CCDC40: variants seen among roughly 807,000 people sequenced by gnomAD.
CCDC40 encodes coiled-coil domain 40 molecular ruler complex subunit, also known as coiled-coil domain-containing protein 40.
CCDC40 carries 104 observed loss-of-function variants against 124.5 expected under a neutral mutation model. The observed-to-expected ratio is 0.84, with a 90% CI of 0.71 to 0.98. CCDC40 has a LOEUF of 0.98. Among genes scored for constraint, CCDC40 ranks in the 50% least tolerant of loss-of-function variants. The pLI is 0.00. For missense variants in CCDC40, 1,463 were observed against 1,503.9 expected, an observed-to-expected ratio of 0.97 and a Z score of 0.45; for synonymous variants, 580 against 602.9, an observed-to-expected ratio of 0.96 and a Z score of 0.56.
At chr17:80,047,197 A>C in intron 3 of CCDC40, 82 bp from the exon 4 acceptor site, 1 of 1,476,158 alleles carries the variant, frequency 6.8e-7, no homozygotes. Flanking sequence ...GACAACTTTC[A>C]CAAATGTAAT....
At chr17:80,038,381 A>G (rs1278136529) in intron 2 of CCDC40, among the ~76,000 whole-genome samples, 195 bp downstream of exon 2, 1 of 151,892 alleles carries the variant, frequency 6.6e-6, no homozygotes, top group Non-Finnish European at 1.5e-5. Flanking sequence ...AAATATAAAA[A>G]TTAGCCGGGC....
chr17:80,071,707 T>C (rs1305649986), intron 10 of CCDC40, among the ~76,000 whole-genome samples: 1 of 152,084 alleles, frequency 6.6e-6, no homozygotes, highest in Non-Finnish European at 1.5e-5. Flanking sequence ...CAAACAGGCT[T>C]CGTGTGAGAT....
Position 80,082,005 on chromosome 17 carries a change from A to G in CCDC40, c.1936A>G (p.Thr646Ala), listed in dbSNP as rs755520334. 32 of 1,613,392 alleles carry G rather than the reference A, an allele frequency of 2.0e-5. No individual in the cohort carries two copies. Among genetic ancestry groups the G allele is most frequent in the Non-Finnish European group, 2.6e-5 (31 of 1,179,934 alleles). Reference protein sequence around the residue: ...LQEHMTSNKTTKYFNQLILRL... With the variant: ...LQEHMTSNKTAKYFNQLILRL... Reference sequence around the variant, plus strand: ...GGAGCACATGACCTCCAACAAGACCACCAAATACTTCAACCAGCTCATCCT... The same window carrying G: ...GGAGCACATGACCTCCAACAAGACCGCCAAATACTTCAACCAGCTCATCCT... Residue 646 changes from threonine (T) to alanine (A), a missense_variant, in exon 12 of 20, where the codon ACC becomes GCC. By Grantham distance (58) the Thr-to-Ala change is moderately conservative. Transcript: ENST00000397545.
intron 10 of CCDC40, 109 bp downstream of exon 10, chr17:80,065,715 TG>T: frequency 7.0e-7 from 1 of 1,436,786 alleles, no homozygotes; most frequent in African/African-American, 1.4e-5. Context: ...GGACAGAGGG[TG>T]CACCTTGATC....
At chr17:80,057,056 G>T (rs1381842416) in intron 7 of CCDC40, among the ~76,000 whole-genome samples, 3 of 144,510 alleles carry the variant, frequency 2.1e-5, no homozygotes, top group Non-Finnish European at 4.5e-5. Context: ...AAAAAAAGAA[G>T]AATAGCAAGT....
intron 2 of CCDC40, among the ~76,000 whole-genome samples, chr17:80,038,531 A>C (rs1214076338): frequency 1.3e-5 from 2 of 150,744 alleles, no homozygotes; most frequent in African/African-American, 4.9e-5. Flanking sequence ...CTCTATCTCA[A>C]AAATAAATAA....
Position 80,081,936 on chromosome 17 carries a change from G to A in CCDC40, c.1867G>A (p.Glu623Lys). The change falls in exon 12 of 20, where the codon GAG (glutamate) becomes AAG (lysine). Residue 623 changes from glutamate (E) to lysine (K), a missense_variant. Physicochemically the swap from Glu to Lys is moderately conservative, Grantham distance 56. Coordinates refer to ENST00000397545, the MANE Select transcript of CCDC40 (RefSeq NM_017950.4). Reference sequence around the variant, plus strand: ...CCGCCAAGCCATCCAGGGCGAGCTGGAGCTCAGGAGGAAGACGGATGCTGC... The same window carrying A: ...CCGCCAAGCCATCCAGGGCGAGCTGAAGCTCAGGAGGAAGACGGATGCTGC... Reference protein sequence around the residue: ...AIRQAIQGELELRRKTDAAIR... With the variant: ...AIRQAIQGELKLRRKTDAAIR... 6.2e-7 allele frequency: 1 copy of A among 1,613,966 alleles called. No individual in the cohort carries two copies. Among genetic ancestry groups the A allele is most frequent in the Non-Finnish European group, 8.5e-7 (1 of 1,179,942 alleles).
intron 19 of CCDC40, among the ~76,000 whole-genome samples, chr17:80,098,654 C>A (rs543140717): frequency 5.3e-5 from 8 of 152,288 alleles, no homozygotes; most frequent in Admixed American, 1.3e-4. Context: ...AGAAGGTTGC[C>A]TAAGCCGGGC....
intron 12 of CCDC40, among the ~76,000 whole-genome samples, chr17:80,083,188 T>G (rs1285775577): frequency 1.9e-4 from 27 of 142,926 alleles, no homozygotes; most frequent in Non-Finnish European, 2.3e-4. Flanking sequence ...GAAGGGGACT[T>G]GGAGCCATAG....
At chr17:80,044,735 A>ATATC (rs879718418) in intron 3 of CCDC40, among the ~76,000 whole-genome samples, 2 of 134,830 alleles carry the variant, frequency 1.5e-5, no homozygotes, top group African/African-American at 5.7e-5. Flanking sequence ...ATATATATAT[A>ATATC]TATCTCAACA....
Position 80,077,569 on chromosome 17 carries a change from G to T in CCDC40, c.1563-3977G>T, listed in dbSNP as rs907500930. Among the ~76,000 whole-genome samples, 2 of 152,058 alleles carry T rather than the reference G, an allele frequency of 1.3e-5. 1 individual carries two copies. Among genetic ancestry groups the T allele is most frequent in the South Asian group, 4.1e-4 (2 of 4,832 alleles). On this transcript the variant is annotated intron_variant, in intron 10 of 19. Transcript: ENST00000397545. ...TGCTGCGGTGTTTTCCCAAGTGACTGGTTCCAATTTGCATTTTCTCCAGCA... is the reference window on the plus strand; with the variant it reads ...TGCTGCGGTGTTTTCCCAAGTGACTTGTTCCAATTTGCATTTTCTCCAGCA...
rs184360279 is a variant in CCDC40 at position 80,086,539 on chromosome 17, C to T, written c.2449+323C>T. Reference sequence around the variant, plus strand: ...GGGCACTCAGGTGGAAACACTGGCACGGGAAAAGCCAGGGTCCTGCCAGGC... The same window carrying T: ...GGGCACTCAGGTGGAAACACTGGCATGGGAAAAGCCAGGGTCCTGCCAGGC... On this transcript the variant is annotated intron_variant, in intron 14 of 19. Transcript: ENST00000397545. This position sits in a 1 kb window ranked among gnomAD's most constrained non-coding sequence, Gnocchi z 5.5. 178 of 351,928 alleles carry T rather than the reference C, an allele frequency of 5.1e-4. 1 individual carries two copies. Among genetic ancestry groups the T allele is most frequent in the East Asian group, 3.1e-3 (42 of 13,446 alleles). The allele number at this position is 351,928 out of a possible 1,614,324, so 21.8% of individuals were successfully genotyped here.
At chr17:80,041,237 G>A (rs1377761273) in intron 3 of CCDC40, among the ~76,000 whole-genome samples, 1 of 152,162 alleles carries the variant, frequency 6.6e-6, no homozygotes, top group Non-Finnish European at 1.5e-5. Flanking sequence ...GTCGGGCATG[G>A]TGGTGCACGC....
At chr17:80,094,264 T>C (rs867824886) in intron 17 of CCDC40, among the ~76,000 whole-genome samples, 2 of 106,220 alleles carry the variant, frequency 1.9e-5, no homozygotes, top group South Asian at 3.1e-4. Context: ...AAAAAAAAAA[T>C]AGCCAGGCGT....
chr17:80,056,010 A>ATTTTTTTTTTTT (rs1326886577), intron 7 of CCDC40, among the ~76,000 whole-genome samples: 13 of 13,782 alleles, frequency 9.4e-4, no homozygotes, highest in Admixed American at 4.2e-3. Flanking sequence ...ATATATATAT[A>ATTTTTTTTTTTT]TATATATTTT....
intron 10 of CCDC40, among the ~76,000 whole-genome samples, chr17:80,069,107 A>T (rs2038124314): frequency 6.6e-6 from 1 of 151,846 alleles, no homozygotes; most frequent in Non-Finnish European, 1.5e-5. Context: ...ATTTTTTCAG[A>T]TAAGTTAATA....
At chr17:80,081,512 C>T in intron 10 of CCDC40, 34 bp from the exon 11 acceptor site, 1 of 1,612,980 alleles carries the variant, frequency 6.2e-7, no homozygotes, top group Non-Finnish European at 8.5e-7. Context: ...TGATGTCTCA[C>T]ACGTAACTGG....
chr17:80,058,521 A>G lies in CCDC40; in HGVS notation c.1187A>G (p.Asn396Ser), dbSNP rs200701665. Residue 396 changes from asparagine (N) to serine (S), a missense_variant, in exon 8 of 20, where the codon AAC becomes AGC. Coordinates refer to ENST00000397545, the MANE Select transcript of CCDC40 (RefSeq NM_017950.4). The surrounding 1 kb of genome is among the most constrained non-coding windows in gnomAD (Gnocchi z 4.2). ...KLAALQTEME[N>S]LALHLFYMQN... Reference sequence around the variant, plus strand: ...GCGGCTCTGCAGACTGAGATGGAGAACTTGGCCCTGCATCTCTTCTACATG... The same window carrying G: ...GCGGCTCTGCAGACTGAGATGGAGAGCTTGGCCCTGCATCTCTTCTACATG... 1.2e-6 allele frequency: 2 copies of G among 1,614,102 alleles called. No homozygotes were observed. Among genetic ancestry groups the G allele is most frequent in the Non-Finnish European group, 1.7e-6 (2 of 1,180,004 alleles).
intron 19 of CCDC40, 150 bp downstream of exon 19, chr17:80,097,553 G>A (rs1049562429): frequency 3.1e-5 from 22 of 711,386 alleles, no homozygotes; most frequent in Non-Finnish European, 4.2e-5. Context: ...ACCACCGGCT[G>A]CTCACATGTT....
Sources: gnomAD v4.1 joint callset for allele counts (sites outside exome capture counted in the v4.1 genomes callset) on GRCh38, gnomAD v4.1.1 for gene constraint, Gnocchi (gnomAD v3.1) non-coding constraint, MANE v1.5 for transcripts, NCBI Gene and HGNC (gene_info 2026-07-23, HGNC 2026-07-21) for gene names.